Variants in ACKR3 observed in about 807,000 individuals in gnomAD.
The protein encoded by ACKR3 is C-X-C chemokine receptor type 7.
A neutral mutation model predicts 22.4 loss-of-function variants in ACKR3; 6 were observed. The ratio of observed to expected loss-of-function variants is 0.27; its 90% CI spans 0.15 to 0.53. The LOEUF is 0.53. Among genes scored for constraint, ACKR3 ranks in the 20% least tolerant of loss-of-function variants. ACKR3 has a pLI of 0.96. For synonymous variants in ACKR3, 209 were observed against 205.2 expected (o/e 1.02, Z -0.16); for missense variants, 396 against 475.2 (o/e 0.83, Z 1.55).
chr2:236,560,316 C>CTTT, the ACKR3 span, among the ~76,000 whole-genome samples: 8,149 of 118,714 alleles, frequency 0.069, 468 homozygotes, highest in African/African-American at 0.11. Flanking sequence ...CACTTGTTGC[C>CTTT]TTTTTTTTTT....
chr2:236,558,123 A>G, the ACKR3 span, among the ~76,000 whole-genome samples: 2 of 152,158 alleles, frequency 1.3e-5, no homozygotes, highest in South Asian at 4.2e-4. Context: ...TTTGCTCAGG[A>G]AAGAACTCAA....
the ACKR3 span, among the ~76,000 whole-genome samples, chr2:236,562,339 G>A: frequency 2.0e-5 from 3 of 152,136 alleles, no homozygotes; most frequent in African/African-American, 7.2e-5. Context: ...TGTTGGATTT[G>A]CTTTGCTTTT....
the ACKR3 span, among the ~76,000 whole-genome samples, chr2:236,541,130 A>T: frequency 6.6e-6 from 1 of 152,218 alleles, no homozygotes; most frequent in African/African-American, 2.4e-5. Flanking sequence ...TGTAGAAAAC[A>T]TGTATTTTCC....
the ACKR3 span, among the ~76,000 whole-genome samples, chr2:236,546,851 G>T: frequency 6.6e-6 from 1 of 152,366 alleles, no homozygotes; most frequent in East Asian, 1.9e-4. The surrounding 1 kb of genome is among the most constrained non-coding windows in gnomAD (Gnocchi z 4.9). Flanking sequence ...CCACCCCAGT[G>T]AAAGCATGTT....
chr2:236,553,334 T>A, the ACKR3 span, among the ~76,000 whole-genome samples: 1 of 152,180 alleles, frequency 6.6e-6, no homozygotes, highest in Non-Finnish European at 1.5e-5. Flanking sequence ...GCTCATCATA[T>A]GTCCAACGCC....
the ACKR3 span, among the ~76,000 whole-genome samples, chr2:236,553,341 C>T: frequency 9.2e-5 from 14 of 152,274 alleles, no homozygotes; most frequent in Middle Eastern, 3.4e-3. Flanking sequence ...ATATGTCCAA[C>T]GCCTAAGGAA....
the ACKR3 span, among the ~76,000 whole-genome samples, chr2:236,546,709 C>A: frequency 6.6e-6 from 1 of 152,194 alleles, no homozygotes; most frequent in Admixed American, 6.5e-5. This position sits in a 1 kb window ranked among gnomAD's most constrained non-coding sequence, Gnocchi z 4.9. Flanking sequence ...GCCATCCAGA[C>A]CCTGCCTGGG....
At chr2:236,550,086 C>T in the ACKR3 span, among the ~76,000 whole-genome samples, 1 of 152,330 alleles carries the variant, frequency 6.6e-6, no homozygotes, top group Admixed American at 6.5e-5. The surrounding 1 kb of genome is among the most constrained non-coding windows in gnomAD (Gnocchi z 4.6). Flanking sequence ...AGCTCCAGTT[C>T]TATTGCCACA....
chr2:236,574,377 T>G lies in ACKR3; in HGVS notation c.-27+4453T>G, dbSNP rs1242543737. Among the ~76,000 whole-genome samples, 1 of 151,208 alleles carries G rather than the reference T, an allele frequency of 6.6e-6. No homozygotes were observed. Among genetic ancestry groups the G allele is most frequent in the Non-Finnish European group, 1.5e-5 (1 of 67,816 alleles). The stretch of plus-strand genomic sequence containing the variant: ...AAGTTACAGAAGACTTGGTGGGGGG[T>G]GCGGGGCCTGGTAGGAATGAGGTGG... On this transcript the variant is annotated intron_variant, in intron 1 of 1. Coordinates refer to ENST00000272928, the MANE Select transcript of ACKR3 (RefSeq NM_020311.3). The surrounding 1 kb of genome is among the most constrained non-coding windows in gnomAD (Gnocchi z 5.6).
the ACKR3 span, among the ~76,000 whole-genome samples, chr2:236,537,520 C>T: frequency 1.3e-5 from 2 of 152,152 alleles, no homozygotes; most frequent in African/African-American, 2.4e-5. Flanking sequence ...TAATCCATGA[C>T]CCTGAAGTTT....
upstream of ACKR3, among the ~76,000 whole-genome samples, chr2:236,565,970 C>T (rs555328277): frequency 5.9e-5 from 9 of 152,326 alleles, no homozygotes; most frequent in East Asian, 1.9e-4. Flanking sequence ...GAATGAGGAA[C>T]GCCTCGTCCT....
upstream of ACKR3, among the ~76,000 whole-genome samples, chr2:236,566,979 C>G (rs778058680): frequency 3.3e-5 from 5 of 149,936 alleles, no homozygotes; most frequent in African/African-American, 1.2e-4. Context: ...TCTTTCCTTC[C>G]TTCCTACCTT....
the ACKR3 span, among the ~76,000 whole-genome samples, chr2:236,551,088 G>T: frequency 2.0e-5 from 3 of 152,168 alleles, no homozygotes; most frequent in Non-Finnish European, 2.9e-5. Flanking sequence ...ACCCTGCTGG[G>T]CTCTTCCACA....
chr2:236,543,566 A>G, the ACKR3 span, among the ~76,000 whole-genome samples: 6 of 152,080 alleles, frequency 3.9e-5, no homozygotes, highest in Non-Finnish European at 7.4e-5. Flanking sequence ...AGGGGAGTGG[A>G]TGGATAAATG....
chr2:236,547,974 T>G, the ACKR3 span, among the ~76,000 whole-genome samples: 1 of 152,160 alleles, frequency 6.6e-6, no homozygotes, highest in Non-Finnish European at 1.5e-5. Context: ...TTTCCCTGAT[T>G]GTTGTGTCAT....
At chr2:236,561,963 C>G in the ACKR3 span, among the ~76,000 whole-genome samples, 2 of 152,148 alleles carry the variant, frequency 1.3e-5, no homozygotes, top group African/African-American at 4.8e-5. Flanking sequence ...GCTTTTATTT[C>G]TTTTCTTCTT....
the ACKR3 span, among the ~76,000 whole-genome samples, chr2:236,562,327 T>C: frequency 6.6e-6 from 1 of 152,244 alleles, no homozygotes; most frequent in Non-Finnish European, 1.5e-5. Context: ...ATATCGTACA[T>C]ATGTTGGATT....
At chr2:236,538,488 C>T in the ACKR3 span, among the ~76,000 whole-genome samples, 4 of 152,160 alleles carry the variant, frequency 2.6e-5, no homozygotes, top group Non-Finnish European at 5.9e-5. Context: ...CTTGCCACCC[C>T]CACCCTCCTA....
chr2:236,554,223 C>T, the ACKR3 span, among the ~76,000 whole-genome samples: 20 of 152,168 alleles, frequency 1.3e-4, no homozygotes, highest in Non-Finnish European at 2.1e-4. Flanking sequence ...GCATCTTATA[C>T]AAATATGTAT....
Sources: gnomAD v4.1 joint callset for allele counts (sites outside exome capture counted in the v4.1 genomes callset) on GRCh38, gnomAD v4.1.1 for gene constraint, Gnocchi (gnomAD v3.1) non-coding constraint, MANE v1.5 for transcripts, NCBI Gene and HGNC (gene_info 2026-07-23, HGNC 2026-07-21) for gene names.